HCLS1: variants seen among roughly 807,000 people sequenced by gnomAD.
The protein encoded by HCLS1 is hematopoietic cell-specific Lyn substrate 1, also known as hematopoietic lineage cell-specific protein.
HCLS1 carries 44 observed loss-of-function variants against 68.6 expected under a neutral mutation model. The observed-to-expected ratio is 0.64, with a 90% CI of 0.50 to 0.82. The LOEUF is 0.82. Ranked by LOEUF, HCLS1 falls within the 40% of genes least tolerant of loss-of-function variation. The pLI, the probability that HCLS1 is intolerant of heterozygous loss-of-function variation, is 0.00. For missense variants in HCLS1, 602 were observed against 612.1 expected, an observed-to-expected ratio of 0.98 and a Z score of 0.17; for synonymous variants, 217 against 225.8, an observed-to-expected ratio of 0.96 and a Z score of 0.35.
chr3:121,634,428 C>A lies in HCLS1; in HGVS notation c.692-10G>T, dbSNP rs1258110232. The A allele has an allele frequency of 6.2e-7, 1 of 1,613,644 alleles. No individual in the cohort carries two copies. Among genetic ancestry groups the A allele is most frequent in the Admixed American group, 1.7e-5 (1 of 60,010 alleles). ...CGGGTACCACTAGAAGCTGCAGACA[C>A]AGGCAAGAAAAATTAGGGTTGTCTT... On this transcript the variant is annotated splice_polypyrimidine_tract_variant and intron_variant, in intron 9 of 13. Transcript: ENST00000314583.
At chr3:121,635,255 C>G (rs1404556717) in intron 9 of HCLS1, among the ~76,000 whole-genome samples, 5 of 148,146 alleles carry the variant, frequency 3.4e-5, no homozygotes, top group Admixed American at 3.4e-4. Flanking sequence ...CTCTCTCTCT[C>G]TCTCTCTCTC....
At position 121,631,911 on chromosome 3, in the gene HCLS1, ACCAGCCCTCGT is replaced by A. The variant is rs1576459157; in HGVS notation, c.1385_1395del (p.Asp462ValfsTer32). ...AAGTGGCCATGGCAACGTCCCCGCC[ACCAGCCCTCGT>A]CCACCATCTCAATGTCAGTGATTAC... is the stretch of plus-strand genomic sequence containing the variant. On this transcript the variant is annotated frameshift_variant, in exon 14 of 14. Transcript: ENST00000314583. LOFTEE classifies it high-confidence loss of function. 11 of 1,614,182 alleles carry A rather than the reference ACCAGCCCTCGT, an allele frequency of 6.8e-6. No individual in the cohort carries two copies. Among genetic ancestry groups the A allele is most frequent in the Non-Finnish European group, 9.3e-6 (11 of 1,180,024 alleles).
At position 121,637,483 on chromosome 3, in the gene HCLS1, G is replaced by A. The variant is rs557614009; in HGVS notation, c.455-227C>T. Among the ~76,000 whole-genome samples, 14 of 152,188 alleles carry A rather than the reference G, an allele frequency of 9.2e-5. 1 individual carries two copies. The highest frequency in any genetic ancestry group is 3.1e-4 in the African/African-American group (13 of 41,530). On this transcript the variant is annotated intron_variant, in intron 6 of 13. Transcript: ENST00000314583. ...TCTCATTTCCATGCCAAGATGAGAA[G>A]AACATTCCCATTTTCTCCCTTCTTC...
Position 121,634,377 on chromosome 3 carries a change from T to C in HCLS1, c.733A>G (p.Met245Val). 1 of 1,614,148 alleles carries C rather than the reference T, an allele frequency of 6.2e-7. No homozygotes were observed. Among genetic ancestry groups the C allele is most frequent in the East Asian group, 2.2e-5 (1 of 44,888 alleles). ...TRGLKAKFES[M>V]AEEKRKREEE... ...TCTCGCTTCCTCTTCTCCTCAGCCATGGACTCAAATTTCGCCTTCAGCCCA... is the reference window on the plus strand; with the variant it reads ...TCTCGCTTCCTCTTCTCCTCAGCCACGGACTCAAATTTCGCCTTCAGCCCA... Residue 245 changes from methionine (M) to valine (V), a missense_variant, in exon 10 of 14, where the codon ATG (methionine) becomes GTG (valine). By Grantham distance (21) the Met-to-Val change is conservative. Transcript: ENST00000314583.
intron 6 of HCLS1, among the ~76,000 whole-genome samples, chr3:121,638,785 A>C (rs1301168899): frequency 2.6e-5 from 4 of 152,234 alleles, no homozygotes; most frequent in Non-Finnish European, 1.5e-5. Flanking sequence ...AAGAGACAAG[A>C]AAGACATGCT....
intron 3 of HCLS1, among the ~76,000 whole-genome samples, chr3:121,649,312 T>C (rs1346306082): frequency 6.6e-6 from 1 of 152,214 alleles, no homozygotes; most frequent in South Asian, 2.1e-4. Context: ...CTCAGCTCAC[T>C]GTAATCTCCG....
chr3:121,642,289 C>G (rs899647723), intron 6 of HCLS1, among the ~76,000 whole-genome samples: 1 of 133,804 alleles, frequency 7.5e-6, no homozygotes, highest in African/African-American at 2.8e-5. Flanking sequence ...GAAACCCCGT[C>G]TCTACTAAAA....
chr3:121,650,236 C>G (rs970950852), intron 3 of HCLS1, among the ~76,000 whole-genome samples: 1 of 152,148 alleles, frequency 6.6e-6, no homozygotes, highest in Non-Finnish European at 1.5e-5. Flanking sequence ...ATTAAGATGT[C>G]AGTTCTCCCT....
At chr3:121,657,119 G>A in intron 3 of HCLS1, 160 bp downstream of exon 3, 1 of 619,324 alleles carries the variant, frequency 1.6e-6, no homozygotes, top group East Asian at 2.6e-5. Context: ...ATGACACACA[G>A]GTACACACAG....
At chr3:121,645,365 G>C (rs1334731090) in intron 4 of HCLS1, among the ~76,000 whole-genome samples, 1 of 152,070 alleles carries the variant, frequency 6.6e-6, no homozygotes, top group East Asian at 1.9e-4. Flanking sequence ...TTTTGTTCTA[G>C]ATCTTTGCTC....
intron 4 of HCLS1, 105 bp from the exon 5 acceptor site, chr3:121,645,033 G>T: frequency 1.2e-6 from 1 of 862,324 alleles, no homozygotes. Flanking sequence ...TCCATTCTGG[G>T]TCAGATCTAT....
chr3:121,631,839 G>C lies in HCLS1; in HGVS notation c.*7C>G. On this transcript the variant is annotated 3_prime_UTR_variant, in exon 14 of 14. Coordinates refer to ENST00000314583, the MANE Select transcript of HCLS1 (RefSeq NM_005335.6). ...AAATCACAGTTGCAGTAGACAGTGA[G>C]CTCTAGTCACTCCAGAAGCTTGACA... is the stretch of plus-strand genomic sequence containing the variant. 3 of 1,614,134 alleles carry C rather than the reference G, an allele frequency of 1.9e-6. No individual in the cohort carries two copies. The highest frequency in any genetic ancestry group is 2.5e-6 in the Non-Finnish European group (3 of 1,180,010).
In HCLS1 at chr3:121,631,926, C is replaced by G; in HGVS notation, c.1381G>C (p.Val461Leu). ...PDDVITDIEM[V>L]DEGWWRGRCH... ...CGTCCCCGCCACCAGCCCTCGTCCA[C>G]CATCTCAATGTCAGTGATTACGTCG... The change falls in exon 14 of 14, where the codon GTG (valine) becomes CTG (leucine). Residue 461 changes from valine to leucine, a missense_variant. Coordinates refer to ENST00000314583, the MANE Select transcript of HCLS1 (RefSeq NM_005335.6). 2 of 1,614,222 alleles carry G rather than the reference C, an allele frequency of 1.2e-6. No homozygotes were observed. Among genetic ancestry groups the G allele is most frequent in the Non-Finnish European group, 1.7e-6 (2 of 1,180,030 alleles).
chr3:121,632,848 A>AAAC (rs1443453388), intron 11 of HCLS1, among the ~76,000 whole-genome samples: 13 of 152,332 alleles, frequency 8.5e-5, no homozygotes, highest in African/African-American at 3.1e-4. Flanking sequence ...GAGACCAAGA[A>AAAC]AACATTGAAG....
Position 121,631,776 on chromosome 3 carries a change from T to C in HCLS1, c.*70A>G. On this transcript the variant is annotated 3_prime_UTR_variant, in exon 14 of 14. Coordinates refer to ENST00000314583, the MANE Select transcript of HCLS1 (RefSeq NM_005335.6). ...TCTGGTTAGACATTTGCAGCAGGAA[T>C]AGGGAGGGGGTGGAGGCAGAGCCAC... 1 of 1,537,004 alleles carries C rather than the reference T, an allele frequency of 6.5e-7. No individual in the cohort carries two copies. Among genetic ancestry groups the C allele is most frequent in the Non-Finnish European group, 9.0e-7 (1 of 1,116,122 alleles).
At position 121,637,158 on chromosome 3, in the gene HCLS1, C is replaced by T. The variant is rs767550556; in HGVS notation, c.553G>A (p.Glu185Lys). The change falls in exon 7 of 14, where the codon GAG (glutamate) becomes AAG (lysine). Residue 185 changes from glutamate (E) to lysine (K), a missense_variant. Glu to Lys is a moderately conservative substitution (Grantham distance 56, BLOSUM62 1). Coordinates refer to ENST00000314583, the MANE Select transcript of HCLS1 (RefSeq NM_005335.6). The stretch of plus-strand genomic sequence containing the variant: ...AACCCCAACTCACCTCTCTGGGACT[C>T]GTGTTTCTCCGTCTCTCCCTTGTAG... ...YDYKGETEKHESQRDYAKGFG... is the reference protein window; with the variant it reads ...YDYKGETEKHKSQRDYAKGFG... 4 of 1,610,790 alleles carry T rather than the reference C, an allele frequency of 2.5e-6. No homozygotes were observed. The highest frequency in any genetic ancestry group is 2.2e-5 in the South Asian group (2 of 91,008).
chr3:121,644,941 A>G lies in HCLS1; in HGVS notation c.289-13T>C. On this transcript the variant is annotated splice_polypyrimidine_tract_variant and intron_variant, in intron 4 of 13. Coordinates refer to ENST00000314583, the MANE Select transcript of HCLS1 (RefSeq NM_005335.6). ...GGCCCACTGCACTCTGAGAAAAATC[A>G]AGGATGGAGTGAGTGAAAAGATAAA... is the stretch of plus-strand genomic sequence containing the variant. 1.3e-6 allele frequency: 2 copies of G among 1,581,834 alleles called. No homozygotes were observed. Among genetic ancestry groups the G allele is most frequent in the South Asian group, 1.1e-5 (1 of 90,490 alleles).
At chr3:121,647,934 G>C (rs1302011852) in intron 3 of HCLS1, among the ~76,000 whole-genome samples, 1 of 152,148 alleles carries the variant, frequency 6.6e-6, no homozygotes, top group Non-Finnish European at 1.5e-5. Context: ...ATGTCTAAAT[G>C]ATACTCATTG....
At chr3:121,635,633 G>A (rs915558930) in intron 9 of HCLS1, 102 bp downstream of exon 9, 1 of 913,302 alleles carries the variant, frequency 1.1e-6, no homozygotes, top group African/African-American at 1.6e-5. Context: ...GTCTAACTCA[G>A]CTAATCTAGG....
Sources: allele counts gnomAD v4.1 joint callset (sites outside exome capture counted in the v4.1 genomes callset), GRCh38; gene constraint gnomAD v4.1.1; transcripts MANE v1.5; gene names NCBI Gene and HGNC (gene_info 2026-07-23, HGNC 2026-07-21).